Variants in RARB observed in about 807,000 individuals in gnomAD.
The protein encoded by RARB is HBV-activated protein.
RARB carries 17 observed loss-of-function variants against 51.9 expected under a neutral mutation model. The observed-to-expected ratio is 0.33, with a 90% CI of 0.22 to 0.49. RARB has a LOEUF of 0.49. Ranked by LOEUF, RARB falls within the 20% of genes least tolerant of loss-of-function variation. The pLI, the probability that RARB is intolerant of heterozygous loss-of-function variation, is 0.99. For missense variants in RARB, 369 were observed against 550.8 expected, an observed-to-expected ratio of 0.67 and a Z score of 3.30; for synonymous variants, 215 against 195.4, an observed-to-expected ratio of 1.10 and a Z score of -0.84.
At chr3:25,055,986 A>G (rs1443279904) in intron 2 of RARB, among the ~76,000 whole-genome samples, 1 of 152,150 alleles carries the variant, frequency 6.6e-6, no homozygotes, top group Non-Finnish European at 1.5e-5. Context: ...TTATCGTTAA[A>G]TGCTGTGGGA....
At chr3:25,471,610 T>A (rs1368263) in intron 2 of RARB, among the ~76,000 whole-genome samples, 3,291 of 151,328 alleles carry the variant, frequency 0.022, 77 homozygotes, top group South Asian at 0.099. Context: ...TTTTTTTTTT[T>A]CCTTGAGTTG....
At chr3:24,928,114 T>C (rs73051211) in intron 2 of RARB, among the ~76,000 whole-genome samples, 6,826 of 151,986 alleles carry the variant, frequency 0.045, 188 homozygotes, top group Middle Eastern at 0.11. Flanking sequence ...AAAGCAAAAT[T>C]CACATGGTAG....
rs568275154 is a variant in RARB, at chr3:25,522,770, A to G, written c.448+21447A>G. ...CCTCTTAGAGCCGTCGGGCATCTCC[A>G]TTCCTGTCTTGCCCTCTTCAACCAC... On this transcript the variant is annotated intron_variant, in intron 3 of 7. Coordinates refer to ENST00000330688, the MANE Select transcript of RARB (RefSeq NM_000965.5). 4.6e-5 allele frequency among the ~76,000 whole-genome samples: 7 copies of G among 152,228 alleles called. No individual in the cohort carries two copies. In the South Asian group the frequency reaches 1.5e-3, roughly 32 times the overall value.
At chr3:25,016,844 C>T (rs866737797) in intron 2 of RARB, among the ~76,000 whole-genome samples, 1 of 152,066 alleles carries the variant, frequency 6.6e-6, no homozygotes, top group Admixed American at 6.6e-5. Context: ...CTTACAAGAA[C>T]AAACACCGGT....
intron 3 of RARB, among the ~76,000 whole-genome samples, chr3:25,519,266 T>C (rs1245734175): frequency 6.6e-6 from 1 of 152,144 alleles, no homozygotes; most frequent in Non-Finnish European, 1.5e-5. Flanking sequence ...TGGCCACTTA[T>C]TTCTCCCGGG....
chr3:25,262,532 C>T (rs1178421564), intron 5 of RARB, among the ~76,000 whole-genome samples: 2 of 152,294 alleles, frequency 1.3e-5, no homozygotes, highest in South Asian at 2.1e-4. Context: ...TTGTCCTTAA[C>T]CTTTTCCAGG....
intron 2 of RARB, among the ~76,000 whole-genome samples, chr3:24,993,144 G>C (rs1323466077): frequency 1.3e-5 from 2 of 151,908 alleles, no homozygotes; most frequent in Non-Finnish European, 2.9e-5. Flanking sequence ...TCTTTATATA[G>C]GGAATACATA....
At chr3:25,104,497 A>T (rs1699461466) in intron 3 of RARB, among the ~76,000 whole-genome samples, 1 of 152,130 alleles carries the variant, frequency 6.6e-6, no homozygotes, top group African/African-American at 2.4e-5. Flanking sequence ...ATAAAAATTT[A>T]GCTTGGCATA....
chr3:25,573,115 C>A (rs1385744532), intron 4 of RARB, among the ~76,000 whole-genome samples: 2 of 152,130 alleles, frequency 1.3e-5, no homozygotes, highest in African/African-American at 4.8e-5. Context: ...CTCTAAACCA[C>A]GTCCCAGAGT....
chr3:25,014,226 A>G (rs1285554535), intron 2 of RARB, among the ~76,000 whole-genome samples: 2 of 151,810 alleles, frequency 1.3e-5, no homozygotes, highest in Admixed American at 6.6e-5. Context: ...CCACCAAGAG[A>G]TGGAGTCCCT....
intron 5 of RARB, among the ~76,000 whole-genome samples, chr3:25,367,769 A>C (rs1304361947): frequency 6.8e-6 from 1 of 146,516 alleles, no homozygotes; most frequent in Non-Finnish European, 1.5e-5. Flanking sequence ...GCACCCCTGC[A>C]CTCCAGCCTG....
At chr3:25,544,389 C>G (rs546685158) in intron 3 of RARB, among the ~76,000 whole-genome samples, 1 of 152,250 alleles carries the variant, frequency 6.6e-6, no homozygotes, top group Admixed American at 6.5e-5. Context: ...AACAAAGAAG[C>G]TTTTCCCTGG....
chr3:25,367,683 G>T (rs1026956461), intron 5 of RARB, among the ~76,000 whole-genome samples: 1 of 150,430 alleles, frequency 6.6e-6, no homozygotes, highest in Non-Finnish European at 1.5e-5. Context: ...AAAATTAGCC[G>T]CATATGGGGG....
chr3:25,233,346 A>G (rs1440920872), intron 5 of RARB, among the ~76,000 whole-genome samples: 3 of 152,186 alleles, frequency 2.0e-5, no homozygotes, highest in African/African-American at 7.2e-5. Context: ...GAGCATCTGT[A>G]TAGTAAAACA....
At chr3:25,592,558 A>C (rs1292025581) in intron 5 of RARB, among the ~76,000 whole-genome samples, 1 of 152,210 alleles carries the variant, frequency 6.6e-6, no homozygotes, top group Non-Finnish European at 1.5e-5. Context: ...ACCAGGATTG[A>C]GTATCTACAG....
At chr3:25,064,308 G>T (rs1476634074) in intron 3 of RARB, among the ~76,000 whole-genome samples, 1 of 152,012 alleles carries the variant, frequency 6.6e-6, no homozygotes, top group Admixed American at 6.6e-5. Flanking sequence ...ATACAAAAGA[G>T]ATCTCTCAAT....
intron 2 of RARB, among the ~76,000 whole-genome samples, chr3:25,479,343 T>C (rs1247075614): frequency 1.3e-5 from 2 of 152,232 alleles, no homozygotes; most frequent in African/African-American, 2.4e-5. Context: ...CTATGTTAAA[T>C]GGCTGCTTTG....
chr3:25,118,484 G>T (rs539355774), intron 3 of RARB, among the ~76,000 whole-genome samples: 17 of 152,224 alleles, frequency 1.1e-4, no homozygotes, highest in African/African-American at 3.4e-4. Flanking sequence ...AGACCACTTT[G>T]TCTGAGCAAA....
intron 2 of RARB, among the ~76,000 whole-genome samples, chr3:24,859,946 T>C (rs547233250): frequency 1.3e-5 from 2 of 152,096 alleles, no homozygotes; most frequent in Admixed American, 6.5e-5. Context: ...TTCTTTTCCA[T>C]CTCAAAGGTT....
Sources: gnomAD v4.1 joint callset for allele counts (sites outside exome capture counted in the v4.1 genomes callset) on GRCh38, gnomAD v4.1.1 for gene constraint, MANE v1.5 for transcripts, NCBI Gene and HGNC (gene_info 2026-07-23, HGNC 2026-07-21) for gene names.